Variants in GPA33 observed in about 807,000 individuals in gnomAD.
GPA33 encodes cell surface A33 antigen.
Under a neutral mutation model 35.6 loss-of-function variants are expected in GPA33, and 27 were observed. The observed-to-expected ratio is 0.76, with a 90% CI of 0.56 to 1.04. The LOEUF is 1.04. Among genes scored for constraint, GPA33 ranks in the 50% least tolerant of loss-of-function variants. The pLI is 0.00. For synonymous variants in GPA33, 176 were observed against 164.0 expected, an observed-to-expected ratio of 1.07 and a Z score of -0.56; for missense variants, 428 against 411.9, an observed-to-expected ratio of 1.04 and a Z score of -0.34.
Position 167,073,551 on chromosome 1 carries a change from G to A in GPA33, c.44-12C>T. ...GACGGTCACCCTGACTGGAAAGAAA[G>A]TAGGCAGTGGAAGGGAAAAGTAAGC... is the stretch of plus-strand genomic sequence containing the variant. On this transcript the variant is annotated splice_polypyrimidine_tract_variant and intron_variant, in intron 1 of 6. Transcript: ENST00000367868. The A allele has an allele frequency of 6.2e-7, 1 of 1,612,082 alleles. No individual in the cohort carries two copies. The highest frequency in any genetic ancestry group is 1.1e-5 in the South Asian group (1 of 90,816).
rs746678521 is a variant in GPA33, at chr1:167,064,449, G to T, written c.416-712C>A. 2.3e-3 allele frequency among the ~76,000 whole-genome samples: 353 copies of T among 152,240 alleles called. 3 individuals are homozygous for T. The highest frequency in any genetic ancestry group is 2.6e-3 in the Non-Finnish European group (178 of 68,018). On this transcript the variant is annotated intron_variant, in intron 3 of 6. Transcript: ENST00000367868. ...GTGCACTCTCCACCAGCCCATATGA[G>T]CTCCTTCTGCCACTAATTCATTTGT...
intron 1 of GPA33, among the ~76,000 whole-genome samples, chr1:167,083,553 G>C (rs751811975): frequency 6.6e-6 from 1 of 152,142 alleles, no homozygotes; most frequent in East Asian, 1.9e-4. Context: ...CTGCTCTCAC[G>C]GCGTTCACTG....
intron 1 of GPA33, among the ~76,000 whole-genome samples, chr1:167,076,110 A>G (rs1244534093): frequency 6.6e-6 from 1 of 152,190 alleles, no homozygotes; most frequent in Non-Finnish European, 1.5e-5. Context: ...TGTAGCAGCT[A>G]AAGGAGGCTA....
At chr1:167,057,421 T>A (rs1666331136) in intron 4 of GPA33, among the ~76,000 whole-genome samples, 1 of 152,160 alleles carries the variant, frequency 6.6e-6, no homozygotes, top group Non-Finnish European at 1.5e-5. Flanking sequence ...TGATCCCTGC[T>A]GCCACCAGGT....
chr1:167,088,729 T>C (rs570645414), intron 1 of GPA33, among the ~76,000 whole-genome samples: 12 of 152,308 alleles, frequency 7.9e-5, no homozygotes, highest in African/African-American at 2.6e-4. Context: ...CAAAATTTCT[T>C]ATTTTTATTC....
chr1:167,055,242 C>A, intron 5 of GPA33, 131 bp from the exon 6 acceptor site: 1 of 791,380 alleles, frequency 1.3e-6, no homozygotes, highest in Non-Finnish European at 2.0e-6. Flanking sequence ...AGGAATGTGA[C>A]CAGCCATGGC....
chr1:167,089,312 C>T (rs530797326), intron 1 of GPA33, among the ~76,000 whole-genome samples: 4 of 152,288 alleles, frequency 2.6e-5, no homozygotes, highest in African/African-American at 9.6e-5. Flanking sequence ...TCCTGGTTTC[C>T]ACTTCCCCAG....
In GPA33 at chr1:167,054,175, G is replaced by T; in HGVS notation, c.*159C>A. On this transcript the variant is annotated 3_prime_UTR_variant, in exon 7 of 7. Transcript: ENST00000367868. ...ATCAGCACAGGGACCCCCTTACCAG[G>T]CCAGCCATGTTCCCCACAGCTGACA... The T allele has an allele frequency of 1.1e-6, 1 of 940,644 alleles. No homozygotes were observed. Among genetic ancestry groups the T allele is most frequent in the Non-Finnish European group, 1.6e-6 (1 of 629,162 alleles). The allele number at this position is 940,644 out of a possible 1,614,324, so 58.3% of individuals were successfully genotyped here. A position where few individuals can be genotyped will look rare whatever the true frequency, so the allele number is the denominator to read the frequency against.
intron 4 of GPA33, among the ~76,000 whole-genome samples, chr1:167,058,919 A>AG (rs1666370536): frequency 6.6e-6 from 1 of 152,208 alleles, no homozygotes; most frequent in South Asian, 2.1e-4. Context: ...GGCATCTTGA[A>AG]GGAACACACT....
intron 2 of GPA33, 103 bp downstream of exon 2, chr1:167,073,282 T>C (rs1043687707): frequency 8.0e-6 from 8 of 1,004,098 alleles, no homozygotes; most frequent in Admixed American, 3.9e-5. Flanking sequence ...TGCTAGTGTT[T>C]ATTCTACCAT....
intron 1 of GPA33, among the ~76,000 whole-genome samples, chr1:167,087,645 G>A (rs1359515415): frequency 2.0e-5 from 3 of 152,020 alleles, no homozygotes; most frequent in African/African-American, 2.4e-5. Context: ...GCAGACCAAC[G>A]GTGGCTCACA....
chr1:167,056,708 T>TGGCG (rs1571302223), intron 4 of GPA33, among the ~76,000 whole-genome samples: 66 of 1,788 alleles, frequency 0.037, no homozygotes, highest in Admixed American at 0.043. Flanking sequence ...GTGGTGTGTG[T>TGGCG]AGTGTGTGTG....
intron 1 of GPA33, among the ~76,000 whole-genome samples, chr1:167,088,001 G>A (rs753245326): frequency 1.5e-4 from 23 of 151,898 alleles, no homozygotes; most frequent in Admixed American, 3.3e-4. Flanking sequence ...ACGGCCTTGC[G>A]TTTGTGCCCC....
chr1:167,082,098 G>C (rs888149988), intron 1 of GPA33: 3 of 348,386 alleles, frequency 8.6e-6, no homozygotes, highest in East Asian at 8.6e-5. Flanking sequence ...TTCAATTCAC[G>C]GTGTTGGACT....
chr1:167,088,251 G>A lies in GPA33; in HGVS notation c.43+1994C>T, dbSNP rs148291292. Among the ~76,000 whole-genome samples the A allele has an allele frequency of 1.0e-3, 154 of 152,270 alleles. 3 individuals are homozygous for A. The East Asian group carries it at 0.019, about 19-fold the overall frequency. On this transcript the variant is annotated intron_variant, in intron 1 of 6. Transcript: ENST00000367868. ...TCCTAACTGGGTCTCCCTTACCTGCGCAAAGGAAGAGGTGGTATCCTCTCA... is the reference window on the plus strand; with the variant it reads ...TCCTAACTGGGTCTCCCTTACCTGCACAAAGGAAGAGGTGGTATCCTCTCA...
At chr1:167,056,587 G>GTGTGGGAGGTA (rs386636457) in intron 4 of GPA33, among the ~76,000 whole-genome samples, 1 of 1,314 alleles carries the variant, frequency 7.6e-4, no homozygotes, top group Non-Finnish European at 3.0e-3. Context: ...CATATGTGTG[G>GTGTGGGAGGTA]TATGTGTGTA....
At chr1:167,055,213 A>T in intron 5 of GPA33, 102 bp from the exon 6 acceptor site, 1 of 1,089,452 alleles carries the variant, frequency 9.2e-7, no homozygotes, top group Non-Finnish European at 1.3e-6. Flanking sequence ...GTAACACTCC[A>T]TGAAAGGCAT....
intron 3 of GPA33, among the ~76,000 whole-genome samples, chr1:167,065,210 G>C (rs917089419): frequency 1.3e-5 from 2 of 152,228 alleles, no homozygotes; most frequent in Non-Finnish European, 2.9e-5. Flanking sequence ...CAGGAGGCAA[G>C]GCTGCTGGGG....
intron 4 of GPA33, chr1:167,058,680 C>T (rs1666364582): frequency 6.6e-6 from 1 of 152,136 alleles, no homozygotes; most frequent in South Asian, 2.1e-4. Context: ...AATTCCACGC[C>T]TCAGTATGTT....
Sources: gnomAD v4.1 joint callset for allele counts (sites outside exome capture counted in the v4.1 genomes callset) on GRCh38, gnomAD v4.1.1 for gene constraint, MANE v1.5 for transcripts, NCBI Gene and HGNC (gene_info 2026-07-23, HGNC 2026-07-21) for gene names.